DNAH2: variants seen among roughly 807,000 people sequenced by gnomAD.
DNAH2 encodes the protein dynein axonemal heavy chain 2.
DNAH2 carries 323 observed loss-of-function variants against 523.5 expected under a neutral mutation model. The ratio of observed to expected loss-of-function variants is 0.62; its 90% confidence interval spans 0.56 to 0.68. The LOEUF is 0.68. Ranked by LOEUF, DNAH2 falls within the 30% of genes least tolerant of loss-of-function variation. The pLI is 0.00. For synonymous variants in DNAH2, 2,093 were observed against 2,177.4 expected, an observed-to-expected ratio of 0.96 and a Z score of 1.08; for missense variants, 4,907 against 5,701.5, an observed-to-expected ratio of 0.86 and a Z score of 4.49.
chr17:7,740,747 T>C (rs2075288799), intron 10 of DNAH2, 63 bp from the exon 11 acceptor site: 4 of 1,565,468 alleles, frequency 2.6e-6, no homozygotes, highest in South Asian at 2.4e-5. Context: ...TCCTCTGGGA[T>C]GAGTGACCGG....
In DNAH2 at chr17:7,798,139, C is replaced by T. The variant is rs1393594050; in HGVS notation, c.8231-18C>T. 4.4e-6 allele frequency: 7 copies of T among 1,574,458 alleles called. No individual in the cohort carries two copies. The African/African-American group carries it at 5.4e-5, about 12-fold the overall frequency. ...TTGCTCAGCCAACTCATTACCCTCA[C>T]ACCCACCCCACCCCCAGTCACACGG... On this transcript the variant is annotated intron_variant, in intron 53 of 85. Transcript: ENST00000572933. This position sits in a 1 kb window ranked among gnomAD's most constrained non-coding sequence, Gnocchi z 5.5.
At chr17:7,808,425 G>A (rs1248697746) in intron 63 of DNAH2, among the ~76,000 whole-genome samples, 1 of 151,270 alleles carries the variant, frequency 6.6e-6, no homozygotes, top group Non-Finnish European at 1.5e-5. Context: ...GCAGAATGAT[G>A]GGCAAGTGCC....
chr17:7,778,473 A>G lies in DNAH2; in HGVS notation c.5541+4A>G, dbSNP rs367737991. ...AATGTACTCAGGTCTGGCCCAGGTCAGTATCCTGCCACCCTGTGCCAGAAG... is the reference window on the plus strand; with the variant it reads ...AATGTACTCAGGTCTGGCCCAGGTCGGTATCCTGCCACCCTGTGCCAGAAG... On this transcript the variant is annotated splice_donor_region_variant and intron_variant, in intron 35 of 85. Coordinates refer to ENST00000572933, the MANE Select transcript of DNAH2 (RefSeq NM_020877.5). The G allele has an allele frequency of 1.2e-6, 2 of 1,606,618 alleles. No homozygotes were observed. Among genetic ancestry groups the G allele is most frequent in the African/African-American group, 2.7e-5 (2 of 74,712 alleles).
chr17:7,823,725 G>T lies in DNAH2; in HGVS notation c.11329+97G>T, dbSNP rs187132000. 95 of 1,578,114 alleles carry T rather than the reference G, an allele frequency of 6.0e-5. No homozygotes were observed. In the African/African-American group the frequency reaches 1.2e-3, roughly 20 times the overall value. On this transcript the variant is annotated intron_variant, in intron 74 of 85. Coordinates refer to ENST00000572933, the MANE Select transcript of DNAH2 (RefSeq NM_020877.5). ...TGTCCTCCATCCCCTCTCCCAGCTGGTGCCTGCCTCCTGGCCCGGAGCACA... is the reference window on the plus strand; with the variant it reads ...TGTCCTCCATCCCCTCTCCCAGCTGTTGCCTGCCTCCTGGCCCGGAGCACA...
rs779937527 is a variant in DNAH2, at chr17:7,798,678, G to A, written c.8519G>A (p.Gly2840Asp). ...GACATCAACAACATCCTCAGCTCAG[G>A]CGAGGTGCCCAATCTCTACAAGCCT... ...LEDINNILSSGEVPNLYKPDE... is the reference protein window; with the variant it reads ...LEDINNILSSDEVPNLYKPDE... Residue 2840 changes from glycine (G) to aspartate (D), a missense_variant, in exon 55 of 86, where the codon GGC becomes GAC. This residue lies in a region of DNAH2 where 1,851 missense variants were observed against 2,139.4 expected (regional missense o/e 0.87). Transcript: ENST00000572933. This position sits in a 1 kb window ranked among gnomAD's most constrained non-coding sequence, Gnocchi z 5.5. The A allele has an allele frequency of 6.2e-6, 10 of 1,613,994 alleles. No individual in the cohort carries two copies. The Admixed American group carries it at 8.3e-5, about 13-fold the overall frequency.
Position 7,776,029 on chromosome 17 carries a change from G to A in DNAH2, c.4827G>A (p.Trp1609Ter). Residue 1609 changes from tryptophan to a stop codon, truncating the protein, a stop_gained, in exon 31 of 86, where the codon TGG (tryptophan) becomes TGA (stop). Coordinates refer to ENST00000572933, the MANE Select transcript of DNAH2 (RefSeq NM_020877.5). LOFTEE classifies it high-confidence loss of function. ...SVFLEGPVESWLGDVEQTMRV... is the reference protein window; with the variant it reads ...SVFLEGPVES ...ATTCTCCCACCTCCCCCCAGTCCTG[G>A]CTTGGCGATGTGGAACAGACCATGA... The A allele has an allele frequency of 1.2e-6, 2 of 1,613,826 alleles. No individual in the cohort carries two copies. The highest frequency in any genetic ancestry group is 1.7e-6 in the Non-Finnish European group (2 of 1,179,786).
At position 7,728,716 on chromosome 17, in the gene DNAH2, G is replaced by A. The variant is rs147737114; in HGVS notation, c.399+1424G>A. On this transcript the variant is annotated intron_variant, in intron 4 of 85. Coordinates refer to ENST00000572933, the MANE Select transcript of DNAH2 (RefSeq NM_020877.5). ...TTTTATATAAAAAAGTATCATATTT[G>A]GCTCATGCCTGTAATCCTAGCACTT... Among the ~76,000 whole-genome samples, 528 of 152,270 alleles carry A rather than the reference G, an allele frequency of 3.5e-3. 2 individuals are homozygous for A. The highest frequency in any genetic ancestry group is 0.012 in the African/African-American group (498 of 41,550).
Position 7,796,444 on chromosome 17 carries a change from G to A in DNAH2, c.7675-20G>A. The A allele has an allele frequency of 6.2e-7, 1 of 1,612,884 alleles. No individual in the cohort carries two copies. On this transcript the variant is annotated intron_variant, in intron 49 of 85. Coordinates refer to ENST00000572933, the MANE Select transcript of DNAH2 (RefSeq NM_020877.5). ...TAGAAGGCCAGCAGCCCTGGAGAGT[G>A]AGCCAGGGTCTGTTTCTAGAAGTCC...
At chr17:7,744,807 C>G (rs1326002367) in intron 12 of DNAH2, among the ~76,000 whole-genome samples, 1 of 152,084 alleles carries the variant, frequency 6.6e-6, no homozygotes, top group Non-Finnish European at 1.5e-5. Flanking sequence ...TGGGGTTGAA[C>G]CTGCAAGACA....
rs148295566 is a variant in DNAH2 at position 7,762,172 on chromosome 17, G to A, written c.2978+1240G>A. Among the ~76,000 whole-genome samples the A allele has an allele frequency of 3.6e-3, 542 of 152,246 alleles. 6 individuals carry two copies. The highest frequency in any genetic ancestry group is 0.012 in the African/African-American group (510 of 41,536). ...ACATGAAGGCACTTTGTAGGCTGAAGCCCTGTGCTCGTGTACTGTGTTATT... is the reference window on the plus strand; with the variant it reads ...ACATGAAGGCACTTTGTAGGCTGAAACCCTGTGCTCGTGTACTGTGTTATT... On this transcript the variant is annotated intron_variant, in intron 18 of 85. Transcript: ENST00000572933.
Position 7,778,469 on chromosome 17 carries a change from G to A in DNAH2, c.5541G>A (p.Gln1847=). The A allele has an allele frequency of 6.2e-7, 1 of 1,607,202 alleles. No individual in the cohort carries two copies. Among genetic ancestry groups the A allele is most frequent in the Non-Finnish European group, 8.5e-7 (1 of 1,175,316 alleles). ...SMGRMYSGLA[Q]TGAWGCFDEF... is the part of the protein sequence containing the mutation. ...GCCGAATGTACTCAGGTCTGGCCCA[G>A]GTCAGTATCCTGCCACCCTGTGCCA... The change falls in exon 35 of 86, where the codon CAG becomes CAA. Residue 1847 remains glutamine (Q), a splice_region_variant and synonymous_variant. Coordinates refer to ENST00000572933, the MANE Select transcript of DNAH2 (RefSeq NM_020877.5).
chr17:7,833,590 A>G lies in DNAH2; in HGVS notation c.*57A>G. The G allele has an allele frequency of 1.2e-6, 2 of 1,604,456 alleles. No homozygotes were observed. The highest frequency in any genetic ancestry group is 1.1e-5 in the South Asian group (1 of 90,854). On this transcript the variant is annotated 3_prime_UTR_variant, in exon 86 of 86. Coordinates refer to ENST00000572933, the MANE Select transcript of DNAH2 (RefSeq NM_020877.5). ...GGTCAGGGACTCCAGGAGCTAAGAC[A>G]GATGTTGCACCTAGGACTGAGGCCG... is the stretch of plus-strand genomic sequence containing the variant.
At position 7,780,280 on chromosome 17, in the gene DNAH2, G is replaced by T; in HGVS notation, c.5846G>T (p.Cys1949Phe). 6.2e-7 allele frequency: 1 copy of T among 1,614,118 alleles called. No homozygotes were observed. The highest frequency in any genetic ancestry group is 8.5e-7 in the Non-Finnish European group (1 of 1,180,012). Residue 1949 changes from cysteine to phenylalanine, a missense_variant, in exon 37 of 86, where the codon TGC (cysteine) becomes TTC (phenylalanine). By Grantham distance (205) the Cys-to-Phe change is radical. Around this residue, in one of 3 missense-constraint regions of DNAH2, gnomAD observed 2,806 missense variants for 3,190.8 expected, o/e 0.88. Transcript: ENST00000572933. This position sits in a 1 kb window ranked among gnomAD's most constrained non-coding sequence, Gnocchi z 4.4. ...CTCTTTGGAGAGGGCTTTGGCAACTGCAAGGTACTCCAATAACCCCTTTTC... is the reference window on the plus strand; with the variant it reads ...CTCTTTGGAGAGGGCTTTGGCAACTTCAAGGTACTCCAATAACCCCTTTTC... ...IILFGEGFGN[C>F]KILAKKVYTL...
chr17:7,786,405 G>T lies in DNAH2; in HGVS notation c.6348+63G>T. 1 of 1,565,208 alleles carries T rather than the reference G, an allele frequency of 6.4e-7. No individual in the cohort carries two copies. Among genetic ancestry groups the T allele is most frequent in the Non-Finnish European group, 8.7e-7 (1 of 1,154,348 alleles). On this transcript the variant is annotated intron_variant, in intron 40 of 85. Coordinates refer to ENST00000572933, the MANE Select transcript of DNAH2 (RefSeq NM_020877.5). This position sits in a 1 kb window ranked among gnomAD's most constrained non-coding sequence, Gnocchi z 7.5. ...TTGAGTAGTAAGAAGACAATGGAGG[G>T]TGGGGGCCAGGGAGGACCTTGCAAG...
chr17:7,751,673 T>C (rs1167453680), intron 12 of DNAH2, among the ~76,000 whole-genome samples: 1 of 152,172 alleles, frequency 6.6e-6, no homozygotes, highest in African/African-American at 2.4e-5. Context: ...GATTCTCTAT[T>C]CTGGTATCTG....
At chr17:7,773,612 TA>T (rs2076374589) in intron 28 of DNAH2, among the ~76,000 whole-genome samples, 2 of 152,214 alleles carry the variant, frequency 1.3e-5, no homozygotes, top group African/African-American at 2.4e-5. Context: ...CCATCTTAAC[TA>T]AGCACTTATT....
rs963308770 is a variant in DNAH2 at position 7,759,270 on chromosome 17, A to G, written c.2448+146A>G. On this transcript the variant is annotated intron_variant, in intron 15 of 85. Transcript: ENST00000572933. ...CGTGCTCTAGTCTTGGACTCAGCCAACCTTCAGTCCTCACACCTCTTCCTC... is the reference window on the plus strand; with the variant it reads ...CGTGCTCTAGTCTTGGACTCAGCCAGCCTTCAGTCCTCACACCTCTTCCTC... The G allele has an allele frequency of 9.1e-6, 13 of 1,433,944 alleles. No individual in the cohort carries two copies. In the African/African-American group the frequency reaches 1.7e-4, roughly 19 times the overall value. The allele number at this position is 1,433,944 out of a possible 1,614,324, so 88.8% of individuals were successfully genotyped here. A position where few individuals can be genotyped will look rare whatever the true frequency, so the allele number is the denominator to read the frequency against.
intron 49 of DNAH2, 84 bp downstream of exon 49, chr17:7,794,442 A>G: frequency 7.8e-7 from 1 of 1,284,534 alleles, no homozygotes; most frequent in East Asian, 2.6e-5. Context: ...GCCAGATCCC[A>G]GGGGGCTGCG....
rs766750839 is a variant in DNAH2 at position 7,819,197 on chromosome 17, C to G, written c.10816-12C>G. The G allele has an allele frequency of 1.2e-6, 2 of 1,612,820 alleles. No individual in the cohort carries two copies. The highest frequency in any genetic ancestry group is 4.5e-5 in the East Asian group (2 of 44,884). ...CCTCAGTGGCCCTGACTCCACCCAT[C>G]CCCACCGGCAGGCTTACCGCCCATG... On this transcript the variant is annotated splice_polypyrimidine_tract_variant and intron_variant, in intron 71 of 85. Coordinates refer to ENST00000572933, the MANE Select transcript of DNAH2 (RefSeq NM_020877.5).
Sources: allele counts gnomAD v4.1 joint callset (sites outside exome capture counted in the v4.1 genomes callset), GRCh38; gene constraint gnomAD v4.1.1; regional missense constraint gnomAD v4.1.1; non-coding constraint Gnocchi (gnomAD v3.1); transcripts MANE v1.5; gene names NCBI Gene and HGNC (gene_info 2026-07-23, HGNC 2026-07-21).